The following USP54 variants were observed in gnomAD, a reference collection of about 807,000 sequenced individuals.
USP54 encodes the protein ubiquitin carboxyl-terminal hydrolase 54.
In USP54, 87 loss-of-function variants were observed where a neutral mutation model predicts 170.5. The observed-to-expected ratio is 0.51, with a 90% CI of 0.43 to 0.61. The LOEUF (loss-of-function observed/expected upper bound fraction) is 0.61, where lower values mean the gene tolerates loss of function less well. Among genes scored for constraint, USP54 ranks in the 20% least tolerant of loss-of-function variants. USP54 has a pLI of 0.00. For missense variants in USP54, 1,786 were observed against 2,047.8 expected (o/e 0.87, Z 2.47); for synonymous variants, 655 against 742.8 (o/e 0.88, Z 1.92).
intron 17 of USP54, among the ~76,000 whole-genome samples, chr10:73,521,449 T>G (rs1456013678): frequency 3.3e-5 from 5 of 152,226 alleles, no homozygotes; most frequent in African/African-American, 9.6e-5. Context: ...TGCCAACTAG[T>G]GTCAGAACAC....
chr10:73,538,912 A>G (rs558707750), intron 10 of USP54, among the ~76,000 whole-genome samples: 1 of 152,332 alleles, frequency 6.6e-6, no homozygotes, highest in African/African-American at 2.4e-5. Context: ...CATTGTTCCT[A>G]TCCTCGAAGA....
intron 1 of USP54, among the ~76,000 whole-genome samples, chr10:73,608,209 G>A (rs763881692): frequency 3.6e-4 from 55 of 151,598 alleles, no homozygotes; most frequent in African/African-American, 1.2e-3. Flanking sequence ...GCAGTGAGCC[G>A]AGTTCATGAC....
At chr10:73,618,127 C>A (rs367588297) in intron 1 of USP54, among the ~76,000 whole-genome samples, 1 of 149,908 alleles carries the variant, frequency 6.7e-6, no homozygotes, top group Non-Finnish European at 1.5e-5. Context: ...AGGAAAATTG[C>A]TTGAACCCGG....
chr10:73,543,610 C>CCTG, intron 5 of USP54, among the ~76,000 whole-genome samples: 1 of 152,196 alleles, frequency 6.6e-6, no homozygotes, highest in Non-Finnish European at 1.5e-5. Flanking sequence ...TCGTGATCCG[C>CCTG]CCGCCCCAGG....
chr10:73,517,509 C>T lies in USP54; in HGVS notation c.2917G>A (p.Gly973Ser), dbSNP rs751815711. The change falls in exon 20 of 24, where the codon GGT (glycine) becomes AGT (serine). Residue 973 changes from glycine (G) to serine (S), a missense_variant. By Grantham distance (56) the Gly-to-Ser change is moderately conservative. Coordinates refer to ENST00000687698, the MANE Select transcript of USP54 (RefSeq NM_001391956.1). ...GTCCACCCTGGTGCTTTAGGTAAAC[C>T]TTGCCTGTGGAATGCAGAGGGTTCA... is the stretch of plus-strand genomic sequence containing the variant. ...NIEPSAFHRQ[G>S]LPKAPGWTEK... 1.1e-5 allele frequency: 17 copies of T among 1,614,164 alleles called. No homozygotes were observed. The highest frequency in any genetic ancestry group is 3.3e-4 in the Middle Eastern group (2 of 6,062).
At chr10:73,518,083 A>G (rs1336708858) in intron 19 of USP54, 2 of 781,894 alleles carry the variant, frequency 2.6e-6, no homozygotes, top group Admixed American at 6.2e-5. Flanking sequence ...AGGAAACAAA[A>G]TCAGCTAGTC....
intron 1 of USP54, among the ~76,000 whole-genome samples, chr10:73,622,360 G>A (rs1033369935): frequency 6.6e-6 from 1 of 151,732 alleles, no homozygotes. Flanking sequence ...AATCTTGCCT[G>A]TTGCCTAGGT....
intron 4 of USP54, among the ~76,000 whole-genome samples, chr10:73,563,214 A>G (rs990166641): frequency 6.6e-6 from 1 of 152,104 alleles, no homozygotes; most frequent in Non-Finnish European, 1.5e-5. Context: ...TCAGCCTCCC[A>G]AAGTGCTGGG....
intron 1 of USP54, among the ~76,000 whole-genome samples, chr10:73,579,988 T>C (rs2076666910): frequency 1.3e-5 from 2 of 151,994 alleles, no homozygotes; most frequent in Non-Finnish European, 2.9e-5. Context: ...CAAGTGCCGA[T>C]GAGGAATCAG....
chr10:73,511,947 C>T (rs1412018658), intron 20 of USP54, among the ~76,000 whole-genome samples: 19 of 151,630 alleles, frequency 1.3e-4, no homozygotes, highest in South Asian at 2.1e-4. Context: ...GGTTTCACCA[C>T]GTTGGTCAGG....
At chr10:73,547,651 A>G (rs1464244041) in intron 4 of USP54, among the ~76,000 whole-genome samples, 3 of 152,236 alleles carry the variant, frequency 2.0e-5, no homozygotes, top group Non-Finnish European at 4.4e-5. Context: ...CTATTTAATA[A>G]ATGGTGCTGG....
At chr10:73,605,221 T>C (rs1335198590) in intron 1 of USP54, among the ~76,000 whole-genome samples, 1 of 152,132 alleles carries the variant, frequency 6.6e-6, no homozygotes, top group Non-Finnish European at 1.5e-5. Flanking sequence ...CCCGCCACCA[T>C]GCCTGGCTAA....
intron 1 of USP54, among the ~76,000 whole-genome samples, chr10:73,615,358 TCAAAAA>T (rs930789400): frequency 4.0e-5 from 6 of 149,630 alleles, no homozygotes; most frequent in South Asian, 2.1e-4. Context: ...GACTCTTGTC[TCAAAAA>T]CAAAAACAAA....
chr10:73,606,702 C>T (rs938906139), intron 1 of USP54, among the ~76,000 whole-genome samples: 1 of 150,986 alleles, frequency 6.6e-6, no homozygotes, highest in Non-Finnish European at 1.5e-5. Flanking sequence ...CACGGTGAAA[C>T]CCTGTCTCTA....
chr10:73,557,633 A>G (rs1230651282), intron 4 of USP54, among the ~76,000 whole-genome samples: 1 of 151,298 alleles, frequency 6.6e-6, no homozygotes, highest in Non-Finnish European at 1.5e-5. Flanking sequence ...CTACAGGCGC[A>G]TGCCACCACA....
rs749519741 is a variant in USP54, at chr10:73,521,029, T to G, written c.2363-2A>C. 4 of 1,613,722 alleles carry G rather than the reference T, an allele frequency of 2.5e-6. No individual in the cohort carries two copies. Among genetic ancestry groups the G allele is most frequent in the Non-Finnish European group, 3.4e-6 (4 of 1,180,026 alleles). ...ACCTCTCAAAGCCGTCACTCCTCCC[T>G]GAAAGGGCCAGCACTTTTCATTTTC... On this transcript the variant is annotated splice_acceptor_variant, in intron 17 of 23. Coordinates refer to ENST00000687698, the MANE Select transcript of USP54 (RefSeq NM_001391956.1). LOFTEE classifies it high-confidence loss of function.
rs1486519562 is a variant in USP54 at position 73,559,746 on chromosome 10, T to C, written c.240+11675A>G. Among the ~76,000 whole-genome samples the C allele has an allele frequency of 2.8e-5, 4 of 145,176 alleles. No individual in the cohort carries two copies. The East Asian group carries it at 6.4e-4, about 23-fold the overall frequency. ...CCATCTCAAAAAAAAAAAAAAGTAT[T>C]TTACATATCAGCTTCACATTAGAGA... On this transcript the variant is annotated intron_variant, in intron 4 of 23. Coordinates refer to ENST00000687698, the MANE Select transcript of USP54 (RefSeq NM_001391956.1).
At chr10:73,550,700 T>TG (rs2069081883) in intron 4 of USP54, among the ~76,000 whole-genome samples, 1 of 151,056 alleles carries the variant, frequency 6.6e-6, no homozygotes, top group African/African-American at 2.4e-5. Context: ...TTAAAATCTG[T>TG]TTTTTTTTAA....
At chr10:73,578,104 G>A (rs1001941519) in intron 1 of USP54, among the ~76,000 whole-genome samples, 1 of 152,126 alleles carries the variant, frequency 6.6e-6, no homozygotes, top group African/African-American at 2.4e-5. Context: ...GGAGAAAAAC[G>A]CAGTAGCAGA....
Sources: allele counts gnomAD v4.1 joint callset (sites outside exome capture counted in the v4.1 genomes callset), GRCh38; gene constraint gnomAD v4.1.1; transcripts MANE v1.5; gene names NCBI Gene and HGNC (gene_info 2026-07-23, HGNC 2026-07-21).